The following TTC17 variants were observed in gnomAD, a reference collection of about 807,000 sequenced individuals.
TTC17 encodes the protein tetratricopeptide repeat domain 17.
Under a neutral mutation model 143.8 loss-of-function variants are expected in TTC17, and 58 were observed. The observed-to-expected ratio is 0.40, with a 90% CI of 0.33 to 0.50. TTC17 has a LOEUF of 0.50. TTC17 is among the 20% of genes least tolerant of loss of function. The pLI is 0.49. For synonymous variants in TTC17, 501 were observed against 497.8 expected (o/e 1.01, Z -0.09); for missense variants, 1,273 against 1,392.5 (o/e 0.91, Z 1.37).
Position 43,397,420 on chromosome 11 carries a change from G to A in TTC17, c.847G>A (p.Val283Ile). 2 of 1,613,532 alleles carry A rather than the reference G, an allele frequency of 1.2e-6. No individual in the cohort carries two copies. The highest frequency in any genetic ancestry group is 1.1e-5 in the South Asian group (1 of 91,082). ...AGCACACTTCTCTGCTGATGCTGCT[G>A]TCGTGGTCCATGCAGCTCTGGATGA... Reference protein sequence around the residue: ...HRAHFSADAAVVVHAALDDSD... With the variant: ...HRAHFSADAAIVVHAALDDSD... The change falls in exon 7 of 24, where the codon GTC becomes ATC. Residue 283 changes from valine (V) to isoleucine (I), a missense_variant. Physicochemically the swap from Val to Ile is conservative, Grantham distance 29. This residue lies in a region of TTC17 where 325 missense variants were observed against 444.2 expected (regional missense o/e 0.73). Transcript: ENST00000039989.
At chr11:43,450,441 T>A (rs1947635871) in intron 20 of TTC17, among the ~76,000 whole-genome samples, 200 bp downstream of exon 20, 1 of 152,252 alleles carries the variant, frequency 6.6e-6, no homozygotes, top group Non-Finnish European at 1.5e-5. Flanking sequence ...TTTTTCTTTA[T>A]GACCATGGAA....
chr11:43,361,160 C>T (rs1301986310), intron 1 of TTC17, among the ~76,000 whole-genome samples: 1 of 152,186 alleles, frequency 6.6e-6, no homozygotes, highest in Non-Finnish European at 1.5e-5. Context: ...GTGCATGACC[C>T]ATGCTTCCCT....
intron 22 of TTC17, 84 bp from the exon 23 acceptor site, chr11:43,491,936 A>G (rs1259372083): frequency 6.5e-7 from 1 of 1,550,294 alleles, no homozygotes; most frequent in South Asian, 1.2e-5. Flanking sequence ...GGAAACACAG[A>G]CTGTATTCTT....
intron 21 of TTC17, among the ~76,000 whole-genome samples, chr11:43,460,405 C>T (rs1947843206): frequency 6.6e-6 from 1 of 152,164 alleles, no homozygotes; most frequent in Non-Finnish European, 1.5e-5. Context: ...TACATGGCTT[C>T]TGTCCAGCCT....
intron 2 of TTC17, among the ~76,000 whole-genome samples, chr11:43,388,988 A>AG: frequency 6.6e-6 from 1 of 151,520 alleles, no homozygotes; most frequent in East Asian, 2.0e-4. Context: ...AAAAAAAAAA[A>AG]AATTAACTGG....
intron 16 of TTC17, among the ~76,000 whole-genome samples, chr11:43,428,805 A>C (rs1371033674): frequency 1.3e-5 from 2 of 152,186 alleles, no homozygotes; most frequent in African/African-American, 4.8e-5. Context: ...CATATTTGGG[A>C]ATCACATACT....
intron 2 of TTC17, among the ~76,000 whole-genome samples, chr11:43,380,520 G>T (rs932849469): frequency 1.2e-4 from 18 of 152,180 alleles, no homozygotes; most frequent in African/African-American, 4.1e-4. Flanking sequence ...CTCCCAAAGT[G>T]CTGGGATTAC....
At chr11:43,367,706 G>A (rs1486884582) in intron 1 of TTC17, among the ~76,000 whole-genome samples, 2 of 139,088 alleles carry the variant, frequency 1.4e-5, no homozygotes, top group African/African-American at 5.4e-5. Flanking sequence ...TGAAAACAAG[G>A]GGAATGTCTG....
chr11:43,446,792 C>T (rs1947551739), intron 18 of TTC17: 1 of 565,518 alleles, frequency 1.8e-6, no homozygotes, highest in Non-Finnish European at 2.2e-6. Context: ...CAGTTCTGCT[C>T]TTTTCTTGGG....
rs548283761 is a variant in TTC17, at chr11:43,441,982, C to T, written c.2252-1343C>T. Among the ~76,000 whole-genome samples, 16 of 152,154 alleles carry T rather than the reference C, an allele frequency of 1.1e-4. 1 individual carries two copies. The South Asian group carries it at 2.3e-3, about 22-fold the overall frequency. ...GAAATGCGTCCTTGGGTGATTTTGC[C>T]GTCGTGGGAACATCATAGAGTGTAC... On this transcript the variant is annotated intron_variant, in intron 16 of 23. Transcript: ENST00000039989.
At chr11:43,375,408 A>G (rs1353468139) in intron 1 of TTC17, among the ~76,000 whole-genome samples, 1 of 152,216 alleles carries the variant, frequency 6.6e-6, no homozygotes, top group African/African-American at 2.4e-5. Flanking sequence ...CATAGAGGCA[A>G]AATCTTGGCG....
intron 21 of TTC17, among the ~76,000 whole-genome samples, chr11:43,469,678 G>T (rs1330387602): frequency 6.6e-6 from 1 of 152,152 alleles, no homozygotes; most frequent in South Asian, 2.1e-4. Context: ...TCAGATCAGT[G>T]ATTACTTCGT....
At chr11:43,491,453 G>T (rs1948473140) in intron 22 of TTC17, 1 of 152,362 alleles carries the variant, frequency 6.6e-6, no homozygotes, top group Admixed American at 6.5e-5. Flanking sequence ...GACTCTGGAG[G>T]CCAGACAGCC....
At chr11:43,487,413 T>C (rs1948401239) in intron 21 of TTC17, among the ~76,000 whole-genome samples, 1 of 152,172 alleles carries the variant, frequency 6.6e-6, no homozygotes, top group Admixed American at 6.6e-5. Context: ...CCCAAAGTGG[T>C]GAGATTACAG....
chr11:43,442,166 A>G (rs1449699799), intron 16 of TTC17, among the ~76,000 whole-genome samples: 8 of 152,228 alleles, frequency 5.3e-5, no homozygotes, highest in African/African-American at 1.9e-4. Flanking sequence ...GTCTCTAAAC[A>G]TATTTAAATG....
At chr11:43,368,633 T>C (rs1856444853) in intron 1 of TTC17, among the ~76,000 whole-genome samples, 1 of 152,254 alleles carries the variant, frequency 6.6e-6, no homozygotes, top group South Asian at 2.1e-4. Flanking sequence ...TCCTTGCTTC[T>C]ACTTTTGTCC....
rs1220770247 is a variant in TTC17, at chr11:43,471,707, A to G, written c.3031-18532A>G. Among the ~76,000 whole-genome samples the G allele has an allele frequency of 2.0e-5, 3 of 152,258 alleles. No homozygotes were observed. The East Asian group carries it at 5.8e-4, about 29-fold the overall frequency. The stretch of plus-strand genomic sequence containing the variant: ...TGCTAGGTTTTAGCATTATCAAGAA[A>G]GTAATGAAATTAAAGTAATAATACG... On this transcript the variant is annotated intron_variant, in intron 21 of 23. Coordinates refer to ENST00000039989, the MANE Select transcript of TTC17 (RefSeq NM_018259.6).
At chr11:43,399,753 A>G (rs1049473452) in intron 8 of TTC17, 135 bp from the exon 9 acceptor site, 1 of 804,974 alleles carries the variant, frequency 1.2e-6, no homozygotes, top group Admixed American at 3.2e-5. Context: ...AACTGGTGAT[A>G]CAGGGTTGTA....
intron 21 of TTC17, among the ~76,000 whole-genome samples, chr11:43,469,381 A>G (rs1948045193): frequency 6.6e-6 from 1 of 152,240 alleles, no homozygotes; most frequent in African/African-American, 2.4e-5. Context: ...TCAAAGAGAC[A>G]TGAAAACATA....
Sources: gnomAD v4.1 joint callset for allele counts (sites outside exome capture counted in the v4.1 genomes callset) on GRCh38, gnomAD v4.1.1 for gene constraint, gnomAD v4.1.1 regional missense constraint, MANE v1.5 for transcripts, NCBI Gene and HGNC (gene_info 2026-07-23, HGNC 2026-07-21) for gene names.